The following CEP112 variants were observed in gnomAD, a reference collection of about 807,000 sequenced individuals.
CEP112 encodes centrosomal protein of 112 kDa.
In CEP112, 127 loss-of-function variants were observed where a neutral mutation model predicts 153.0. The observed-to-expected ratio is 0.83, with a 90% confidence interval of 0.72 to 0.96. The LOEUF is 0.96. Ranked by LOEUF, CEP112 falls within the 40% of genes least tolerant of loss-of-function variation. The pLI is 0.00. For synonymous variants in CEP112, 358 were observed against 374.4 expected (o/e 0.96, Z 0.51); for missense variants, 1,089 against 1,101.2 (o/e 0.99, Z 0.16).
chr17:65,729,352 A>G (rs1273847266), intron 23 of CEP112, among the ~76,000 whole-genome samples: 1 of 152,174 alleles, frequency 6.6e-6, no homozygotes, highest in African/African-American at 2.4e-5. Flanking sequence ...TATGTGACAT[A>G]TGACTGCATA....
At chr17:65,832,253 A>G (rs972527915) in intron 21 of CEP112, among the ~76,000 whole-genome samples, 3 of 152,174 alleles carry the variant, frequency 2.0e-5, no homozygotes, top group Admixed American at 1.3e-4. Flanking sequence ...GAAAAATCTC[A>G]AATTAACAAC....
At chr17:65,737,944 C>T (rs1318027419) in intron 23 of CEP112, among the ~76,000 whole-genome samples, 1 of 152,192 alleles carries the variant, frequency 6.6e-6, no homozygotes. Context: ...TCTGCGGGGT[C>T]ATGTCTGCTG....
At chr17:66,072,345 C>T (rs2067335019) in intron 8 of CEP112, among the ~76,000 whole-genome samples, 2 of 152,148 alleles carry the variant, frequency 1.3e-5, no homozygotes, top group Admixed American at 1.3e-4. Flanking sequence ...CAAATTATCA[C>T]AGTAATGTCA....
intron 17 of CEP112, among the ~76,000 whole-genome samples, chr17:65,969,870 G>A (rs12940495): frequency 0.41 from 62,834 of 151,892 alleles, 14,350 homozygotes; most frequent in East Asian, 0.87. Flanking sequence ...AATTACATGT[G>A]CATTATGTGT....
intron 23 of CEP112, 118 bp downstream of exon 23, chr17:65,742,950 G>T: frequency 1.4e-6 from 1 of 718,866 alleles, no homozygotes; most frequent in Non-Finnish European, 2.2e-6. Flanking sequence ...TGGAATTACT[G>T]CAGGCTGTGT....
intron 16 of CEP112, among the ~76,000 whole-genome samples, chr17:66,024,117 G>A (rs1443286): frequency 1 from 152,257 of 152,306 alleles, 76,104 homozygotes; most frequent in Non-Finnish European, 1. Context: ...AAAACTGACC[G>A]CACCCTAATG....
chr17:65,699,078 ATT>A (rs1391749887), intron 23 of CEP112, among the ~76,000 whole-genome samples: 1 of 152,150 alleles, frequency 6.6e-6, no homozygotes, highest in Non-Finnish European at 1.5e-5. Flanking sequence ...AGATTAAACT[ATT>A]TCGCATTGTT....
intron 21 of CEP112, among the ~76,000 whole-genome samples, chr17:65,835,193 TA>T (rs35890393): frequency 0.32 from 41,366 of 130,780 alleles, 7,212 homozygotes; most frequent in Middle Eastern, 0.44. Flanking sequence ...AAAATAAAAG[TA>T]AAAAAAAAAA....
chr17:65,751,020 G>A, intron 21 of CEP112: 1 of 272,540 alleles, frequency 3.7e-6, no homozygotes, highest in Admixed American at 5.2e-5. Context: ...AGGCTCAGAA[G>A]GTAAAGTAAG....
At chr17:66,000,799 C>A (rs914674573) in intron 17 of CEP112, among the ~76,000 whole-genome samples, 1 of 152,176 alleles carries the variant, frequency 6.6e-6, no homozygotes, top group Non-Finnish European at 1.5e-5. Context: ...TTGGTGCAAA[C>A]CCAAGCATCG....
At chr17:65,746,257 AC>A (rs1308388224) in intron 22 of CEP112, among the ~76,000 whole-genome samples, 2 of 151,862 alleles carry the variant, frequency 1.3e-5, no homozygotes, top group African/African-American at 4.8e-5. Flanking sequence ...TCTAAGAAGG[AC>A]GTGCTTGCTT....
chr17:65,979,227 T>A (rs2063142979), intron 17 of CEP112, among the ~76,000 whole-genome samples: 1 of 151,756 alleles, frequency 6.6e-6, no homozygotes, highest in Non-Finnish European at 1.5e-5. Context: ...ATTTTGTTTA[T>A]TTTTAATTTT....
intron 20 of CEP112, among the ~76,000 whole-genome samples, chr17:65,887,095 GA>G (rs142313255): frequency 3.4e-5 from 5 of 147,822 alleles, no homozygotes; most frequent in Admixed American, 2.0e-4. Flanking sequence ...GTAGTAGCAA[GA>G]AAAAAAAAAC....
intron 4 of CEP112, among the ~76,000 whole-genome samples, chr17:66,161,910 T>TA (rs2071728555): frequency 2.0e-5 from 3 of 150,974 alleles, no homozygotes; most frequent in Admixed American, 1.3e-4. Flanking sequence ...AAAAAAAACT[T>TA]AAAGTATAAT....
At chr17:66,146,377 C>T (rs1335653425) in intron 4 of CEP112, among the ~76,000 whole-genome samples, 2 of 152,066 alleles carry the variant, frequency 1.3e-5, no homozygotes, top group East Asian at 3.9e-4. Context: ...ATTTCATCAA[C>T]AATGTCACTG....
intron 9 of CEP112, among the ~76,000 whole-genome samples, chr17:66,069,028 C>A (rs2067219467): frequency 6.6e-6 from 1 of 151,596 alleles, no homozygotes; most frequent in East Asian, 1.9e-4. Context: ...AATATCCAGT[C>A]AGTGGTTTCC....
intron 17 of CEP112, among the ~76,000 whole-genome samples, chr17:65,971,582 A>C (rs1213753518): frequency 2.6e-5 from 4 of 151,998 alleles, no homozygotes; most frequent in African/African-American, 7.3e-5. Context: ...TATGGCATGT[A>C]TATTACATGC....
chr17:66,151,862 C>A (rs1457375706), intron 4 of CEP112, among the ~76,000 whole-genome samples: 1 of 151,506 alleles, frequency 6.6e-6, no homozygotes, highest in Non-Finnish European at 1.5e-5. Flanking sequence ...GAACCTAAGC[C>A]AGAAAACCCA....
chr17:65,910,371 C>G (rs1474860250), intron 19 of CEP112, among the ~76,000 whole-genome samples: 1 of 151,860 alleles, frequency 6.6e-6, no homozygotes, highest in Admixed American at 6.6e-5. Flanking sequence ...TAAGCCCAAG[C>G]AAGATGAGGG....
Sources: gnomAD v4.1 joint callset for allele counts (sites outside exome capture counted in the v4.1 genomes callset) on GRCh38, gnomAD v4.1.1 for gene constraint, MANE v1.5 for transcripts, NCBI Gene and HGNC (gene_info 2026-07-23, HGNC 2026-07-21) for gene names.